Variants in LRRFIP2 observed in about 807,000 individuals in gnomAD.
LRRFIP2 encodes LRR binding FLII interacting protein 2.
In LRRFIP2, 109 loss-of-function variants were observed where a neutral mutation model predicts 125.9. The observed-to-expected ratio is 0.87, with a 90% CI of 0.74 to 1.01. The LOEUF (loss-of-function observed/expected upper bound fraction) is 1.01, where lower values mean the gene tolerates loss of function less well. Ranked by LOEUF, LRRFIP2 falls within the 50% of genes least tolerant of loss-of-function variation. The pLI, the probability that LRRFIP2 is intolerant of heterozygous loss-of-function variation, is 0.00. For synonymous variants in LRRFIP2, 291 were observed against 293.1 expected (o/e 0.99, Z 0.07); for missense variants, 850 against 862.3 (o/e 0.99, Z 0.18).
At chr3:37,070,116 T>C (rs2090912893) in intron 21 of LRRFIP2, among the ~76,000 whole-genome samples, 3 of 144,954 alleles carry the variant, frequency 2.1e-5, no homozygotes, top group Non-Finnish European at 4.6e-5. Context: ...AATTTCCTCT[T>C]TTTTTTTTTT....
chr3:37,106,164 G>T (rs1231776030), intron 13 of LRRFIP2, among the ~76,000 whole-genome samples: 3 of 152,144 alleles, frequency 2.0e-5, no homozygotes, highest in Non-Finnish European at 4.4e-5. Flanking sequence ...CCCATCAGGG[G>T]TCAACAAATA....
chr3:37,145,972 AT>A (rs2095848097), intron 2 of LRRFIP2, among the ~76,000 whole-genome samples: 1 of 152,256 alleles, frequency 6.6e-6, no homozygotes, highest in African/African-American at 2.4e-5. Flanking sequence ...GAATTAATGC[AT>A]GTAAAATGCT....
At chr3:37,129,479 C>T (rs17035978) in intron 2 of LRRFIP2, among the ~76,000 whole-genome samples, 2,118 of 152,276 alleles carry the variant, frequency 0.014, 43 homozygotes, top group African/African-American at 0.046. Flanking sequence ...ATCATATAAA[C>T]TAGAAACTTC....
chr3:37,161,651 G>C (rs1380859390), intron 1 of LRRFIP2, among the ~76,000 whole-genome samples: 1 of 152,036 alleles, frequency 6.6e-6, no homozygotes, highest in Non-Finnish European at 1.5e-5. Flanking sequence ...GCACAACTTT[G>C]TGACTACACT....
chr3:37,154,291 ATTC>A (rs941113969), intron 1 of LRRFIP2, among the ~76,000 whole-genome samples: 2 of 152,238 alleles, frequency 1.3e-5, no homozygotes, highest in African/African-American at 2.4e-5. Flanking sequence ...AAGGAATACG[ATTC>A]TTAACATAGC....
At chr3:37,163,015 TC>T in intron 1 of LRRFIP2, among the ~76,000 whole-genome samples, 1 of 152,338 alleles carries the variant, frequency 6.6e-6, no homozygotes, top group South Asian at 2.1e-4. Context: ...CAATCTACTC[TC>T]CCAATCACAT....
At chr3:37,104,410 G>A (rs763020971) in intron 14 of LRRFIP2, among the ~76,000 whole-genome samples, 28 of 152,276 alleles carry the variant, frequency 1.8e-4, no homozygotes, top group Non-Finnish European at 3.5e-4. Flanking sequence ...TTCTCCTTCA[G>A]TTGTGAGCGT....
At chr3:37,118,207 C>A (rs1258432872) in intron 6 of LRRFIP2, among the ~76,000 whole-genome samples, 1 of 152,134 alleles carries the variant, frequency 6.6e-6, no homozygotes, top group Non-Finnish European at 1.5e-5. Context: ...GCATGCAGCA[C>A]CACACCCAGC....
intron 19 of LRRFIP2, among the ~76,000 whole-genome samples, chr3:37,076,838 C>T (rs1285087404): frequency 6.6e-6 from 1 of 152,220 alleles, no homozygotes; most frequent in Non-Finnish European, 1.5e-5. Flanking sequence ...TGCACTCCAG[C>T]CTGGGCAACA....
rs2095938392 is a variant in LRRFIP2 at position 37,149,103 on chromosome 3, T to C, written c.-55-65A>G. On this transcript the variant is annotated intron_variant, in intron 1 of 27. Coordinates refer to ENST00000336686, the MANE Select transcript of LRRFIP2 (RefSeq NM_006309.4). The stretch of plus-strand genomic sequence containing the variant: ...TGTGCAATTTTCATGCTCATTTATA[T>C]ATTCACTTTTAACAGAGAAATTAGT... 4 of 1,352,200 alleles carry C rather than the reference T, an allele frequency of 3.0e-6. 1 individual carries two copies. The South Asian group carries it at 6.2e-5, about 21-fold the overall frequency. The allele number at this position is 1,352,200 out of a possible 1,614,324, so 83.8% of individuals were successfully genotyped here.
At chr3:37,067,486 A>G (rs1189310849) in intron 21 of LRRFIP2, 1 of 152,220 alleles carries the variant, frequency 6.6e-6, no homozygotes, top group African/African-American at 2.4e-5. Context: ...CCATTAATCC[A>G]AGAAGTTAAA....
chr3:37,061,585 G>T (rs571424899), intron 24 of LRRFIP2, among the ~76,000 whole-genome samples: 22 of 151,778 alleles, frequency 1.4e-4, no homozygotes, highest in African/African-American at 5.3e-4. Context: ...TAGAGTTGGG[G>T]TTTCACCATG....
rs1436228255 is a variant in LRRFIP2, at chr3:37,052,856, C to G, written c.*995G>C. The G allele has an allele frequency of 6.6e-6, 1 of 152,138 alleles. No homozygotes were observed. Among genetic ancestry groups the G allele is most frequent in the Non-Finnish European group, 1.5e-5 (1 of 68,026 alleles). The allele number at this position is 152,138 out of a possible 1,614,324, so 9.4% of individuals were successfully genotyped here. On this transcript the variant is annotated 3_prime_UTR_variant, in exon 28 of 28. Coordinates refer to ENST00000336686, the MANE Select transcript of LRRFIP2 (RefSeq NM_006309.4). ...CATGATTTTAAAAAAACCTCTTGGA[C>G]AGGGTACCTCTAAAGGTGAAACTCA...
Position 37,094,876 on chromosome 3 carries a change from G to T in LRRFIP2, c.951C>A (p.Thr317=). The change falls in exon 17 of 28, where the codon ACC becomes ACA. Residue 317 remains threonine, a synonymous_variant. Coordinates refer to ENST00000336686, the MANE Select transcript of LRRFIP2 (RefSeq NM_006309.4). ...PSSRNSASAT[T]PLSGNSSRRG... ...GTCTGGATGAGTTTCCACTTAGAGG[G>T]GTTGTTGCTGAGGCAGAATTTCGAG... The T allele has an allele frequency of 6.2e-7, 1 of 1,613,650 alleles. No homozygotes were observed. Among genetic ancestry groups the T allele is most frequent in the Non-Finnish European group, 8.5e-7 (1 of 1,179,634 alleles).
At chr3:37,110,282 A>C (rs986653745) in intron 9 of LRRFIP2, among the ~76,000 whole-genome samples, 1 of 152,242 alleles carries the variant, frequency 6.6e-6, no homozygotes, top group Non-Finnish European at 1.5e-5. Flanking sequence ...GCACTAAAAG[A>C]ACACAGCATG....
At chr3:37,148,806 A>T (rs2095928083) in intron 2 of LRRFIP2, 88 bp downstream of exon 2, 1 of 1,416,864 alleles carries the variant, frequency 7.1e-7, no homozygotes, top group Admixed American at 2.0e-5. Flanking sequence ...AACTAGTTCA[A>T]TGAGTAAACG....
intron 4 of LRRFIP2, among the ~76,000 whole-genome samples, chr3:37,125,627 T>C (rs73824651): frequency 2.6e-5 from 4 of 152,328 alleles, no homozygotes; most frequent in African/African-American, 9.6e-5. Flanking sequence ...AGTGCTGATA[T>C]ACAGTATGCA....
chr3:37,167,197 C>CAAA (rs570958652), intron 1 of LRRFIP2, among the ~76,000 whole-genome samples: 1 of 50,928 alleles, frequency 2.0e-5, no homozygotes, highest in African/African-American at 5.7e-5. Context: ...ATCTTGTCTC[C>CAAA]AAAAAAAAAA....
At chr3:37,143,459 A>G in intron 2 of LRRFIP2, 1 of 211,200 alleles carries the variant, frequency 4.7e-6, no homozygotes, top group Non-Finnish European at 1.1e-5. Flanking sequence ...GACAAACTGT[A>G]ACACACAGTC....
Sources: allele counts gnomAD v4.1 joint callset (sites outside exome capture counted in the v4.1 genomes callset), GRCh38; gene constraint gnomAD v4.1.1; transcripts MANE v1.5; gene names NCBI Gene and HGNC (gene_info 2026-07-23, HGNC 2026-07-21).